Variants in CDH13 observed in about 807,000 individuals in gnomAD.
The protein encoded by CDH13 is cadherin 13.
A neutral mutation model predicts 63.8 loss-of-function variants in CDH13; 24 were observed. The ratio of observed to expected loss-of-function variants is 0.38; its 90% CI spans 0.27 to 0.53. The LOEUF (loss-of-function observed/expected upper bound fraction) is 0.53. Among genes scored for constraint, CDH13 ranks in the 20% least tolerant of loss-of-function variants. CDH13 has a pLI of 0.85. For missense variants in CDH13, 1,049 were observed against 903.1 expected (o/e 1.16, Z -2.07); for synonymous variants, 503 against 355.3 (o/e 1.42, Z -4.67).
At chr16:83,131,908 A>T (rs77424817) in intron 4 of CDH13, among the ~76,000 whole-genome samples, 1,580 of 152,292 alleles carry the variant, frequency 0.01, 17 homozygotes, top group Non-Finnish European at 0.016. Flanking sequence ...AAATCATGAA[A>T]ACCACTCAAC....
chr16:83,274,728 G>A (rs936789379), intron 5 of CDH13, among the ~76,000 whole-genome samples: 1 of 152,104 alleles, frequency 6.6e-6, no homozygotes, highest in African/African-American at 2.4e-5. Flanking sequence ...CTGGTGGCAG[G>A]GGGGGTGTTT....
intron 8 of CDH13, among the ~76,000 whole-genome samples, chr16:83,653,109 G>C (rs1912542279): frequency 6.6e-6 from 1 of 152,158 alleles, no homozygotes; most frequent in Admixed American, 6.6e-5. Flanking sequence ...GAGATCTCCG[G>C]GGACAGAAAG....
At chr16:83,053,885 G>T (rs753427907) in intron 3 of CDH13, among the ~76,000 whole-genome samples, 5 of 152,184 alleles carry the variant, frequency 3.3e-5, no homozygotes, top group Admixed American at 6.5e-5. Context: ...TAGTAGCAAA[G>T]TCTGTGTATG....
At chr16:83,025,161 T>G (rs1025353053) in intron 2 of CDH13, among the ~76,000 whole-genome samples, 2 of 152,214 alleles carry the variant, frequency 1.3e-5, no homozygotes, top group Non-Finnish European at 2.9e-5. Context: ...CTGTCCTAAG[T>G]GCTTTCTGTG....
chr16:82,983,386 C>T (rs76061700), intron 2 of CDH13, among the ~76,000 whole-genome samples: 2,834 of 152,236 alleles, frequency 0.019, 36 homozygotes, highest in South Asian at 0.025. Context: ...TTTTAACTTG[C>T]ATTTGCTCCT....
chr16:83,793,325 G>T (rs1355848032), intron 13 of CDH13, among the ~76,000 whole-genome samples: 1 of 152,108 alleles, frequency 6.6e-6, no homozygotes. Flanking sequence ...TTTGAAACCG[G>T]ATCTGAGCAT....
At chr16:82,993,493 C>T (rs1302734078) in intron 2 of CDH13, among the ~76,000 whole-genome samples, 1 of 152,140 alleles carries the variant, frequency 6.6e-6, no homozygotes, top group Non-Finnish European at 1.5e-5. Context: ...CTTTGACTTC[C>T]TCGCCAGCCT....
chr16:82,735,705 T>G (rs2033637661), intron 1 of CDH13, among the ~76,000 whole-genome samples: 1 of 152,232 alleles, frequency 6.6e-6, no homozygotes, highest in Non-Finnish European at 1.5e-5. Context: ...CACTGTGATC[T>G]GAGGAAAGCG....
intron 6 of CDH13, among the ~76,000 whole-genome samples, chr16:83,351,160 C>G (rs116714025): frequency 0.014 from 2,167 of 152,176 alleles, 53 homozygotes; most frequent in African/African-American, 0.05. Context: ...GGCTTTTCAA[C>G]CCATTGACTG....
intron 2 of CDH13, among the ~76,000 whole-genome samples, chr16:82,934,139 T>A (rs1446320734): frequency 1.3e-5 from 2 of 152,244 alleles, no homozygotes; most frequent in Non-Finnish European, 2.9e-5. Context: ...AGGTTCTGCA[T>A]GAGGGCTCTG....
At chr16:83,793,535 A>G (rs1916409648) in intron 13 of CDH13, among the ~76,000 whole-genome samples, 1 of 152,206 alleles carries the variant, frequency 6.6e-6, no homozygotes, top group Non-Finnish European at 1.5e-5. Flanking sequence ...TCTGCAACAC[A>G]GTCTGCCATG....
intron 5 of CDH13, among the ~76,000 whole-genome samples, chr16:83,294,604 G>A (rs2089544070): frequency 6.9e-6 from 1 of 145,302 alleles, no homozygotes; most frequent in Non-Finnish European, 1.5e-5. Context: ...ATATGTGTAT[G>A]TGTGTGTGTG....
chr16:82,629,648 G>A (rs1311048315), intron 1 of CDH13, among the ~76,000 whole-genome samples: 8 of 152,210 alleles, frequency 5.3e-5, no homozygotes, highest in Admixed American at 5.2e-4. Context: ...CATCGGGTCT[G>A]GCTTTGGAAG....
At chr16:83,558,659 A>C (rs1285575461) in intron 7 of CDH13, among the ~76,000 whole-genome samples, 1 of 152,174 alleles carries the variant, frequency 6.6e-6, no homozygotes, top group Non-Finnish European at 1.5e-5. Context: ...TCAAAAGCTA[A>C]ATTGCCTGTA....
intron 7 of CDH13, among the ~76,000 whole-genome samples, chr16:83,595,933 G>A (rs1037410597): frequency 3.9e-5 from 6 of 152,224 alleles, no homozygotes; most frequent in African/African-American, 1.4e-4. Flanking sequence ...ATCAACGAAA[G>A]CGTTGAAGTC....
intron 1 of CDH13, among the ~76,000 whole-genome samples, chr16:82,702,422 G>C (rs1373022977): frequency 1.3e-5 from 2 of 152,120 alleles, no homozygotes; most frequent in African/African-American, 4.8e-5. Flanking sequence ...CCCCTGTCTT[G>C]TTCGTCTCAG....
chr16:82,693,711 C>G (rs569593419), intron 1 of CDH13, among the ~76,000 whole-genome samples: 21 of 152,322 alleles, frequency 1.4e-4, no homozygotes, highest in African/African-American at 5.1e-4. Flanking sequence ...AAATTACATT[C>G]TGATGTTTAT....
chr16:82,892,583 A>C (rs1195621579), intron 2 of CDH13, among the ~76,000 whole-genome samples: 2 of 152,240 alleles, frequency 1.3e-5, no homozygotes, highest in Non-Finnish European at 2.9e-5. Context: ...TTCAATGTAC[A>C]AATTATTGCC....
In CDH13 at chr16:83,435,944, T is replaced by C. The variant is rs145861793; in HGVS notation, c.782-50533T>C. 1.2e-4 allele frequency among the ~76,000 whole-genome samples: 19 copies of C among 152,350 alleles called. No individual in the cohort carries two copies. The East Asian group carries it at 3.3e-3, about 26-fold the overall frequency. ...GGGAATGAATGTCTTACTTTTTTAA[T>C]TCTTCAATTTAAAAAGCTATTGAGA... On this transcript the variant is annotated intron_variant, in intron 6 of 13. Transcript: ENST00000567109.
Sources: allele counts gnomAD v4.1 joint callset (sites outside exome capture counted in the v4.1 genomes callset), GRCh38; gene constraint gnomAD v4.1.1; transcripts MANE v1.5; gene names NCBI Gene and HGNC (gene_info 2026-07-23, HGNC 2026-07-21).